ORC3: variants seen among roughly 807,000 people sequenced by gnomAD.
The protein encoded by ORC3 is homolog of latheo, Drosophila.
In ORC3, 78 loss-of-function variants were observed where a neutral mutation model predicts 100.7. That is an observed-to-expected ratio of 0.77 (90% CI 0.65 to 0.94). ORC3 has a LOEUF of 0.94. Ranked by LOEUF, ORC3 falls within the 40% of genes least tolerant of loss-of-function variation. ORC3 has a pLI of 0.00. For missense variants in ORC3, 789 were observed against 823.9 expected (o/e 0.96, Z 0.52); for synonymous variants, 295 against 289.3 (o/e 1.02, Z -0.20).
intron 14 of ORC3, among the ~76,000 whole-genome samples, 187 bp downstream of exon 14, chr6:87,653,436 A>T (rs1175005498): frequency 6.6e-6 from 1 of 152,218 alleles, no homozygotes; most frequent in Admixed American, 6.5e-5. Context: ...TCTCTTCTAG[A>T]TTTGGTTTAA....
chr6:87,599,540 G>A (rs1777732046), intron 2 of ORC3, among the ~76,000 whole-genome samples: 1 of 151,832 alleles, frequency 6.6e-6, no homozygotes, highest in Non-Finnish European at 1.5e-5. Context: ...GCTAATTTTT[G>A]TATTTTTAGC....
chr6:87,618,797 T>G (rs1311119029), intron 9 of ORC3, among the ~76,000 whole-genome samples: 1 of 151,974 alleles, frequency 6.6e-6, no homozygotes, highest in Non-Finnish European at 1.5e-5. Flanking sequence ...TTACTTGACT[T>G]GAAGCTGAAA....
intron 11 of ORC3, among the ~76,000 whole-genome samples, chr6:87,629,176 G>A (rs755067295): frequency 6.6e-6 from 1 of 152,142 alleles, no homozygotes; most frequent in South Asian, 2.1e-4. Flanking sequence ...GAAAAATAAG[G>A]CTTAGTTATA....
At position 87,636,492 on chromosome 6, in the gene ORC3, T is replaced by G. The variant is rs373654508; in HGVS notation, c.1382+6T>G. On this transcript the variant is annotated splice_donor_region_variant and intron_variant, in intron 13 of 19. Transcript: ENST00000392844. ...TCAGTCTTGCAGCTGCTGAGGTAGT[T>G]TTGTTTTTTCTTGTTTTTCTATTTT... The G allele has an allele frequency of 6.2e-7, 1 of 1,603,768 alleles. No individual in the cohort carries two copies. Among genetic ancestry groups the G allele is most frequent in the African/African-American group, 1.3e-5 (1 of 74,640 alleles).
At chr6:87,598,235 G>A (rs1257512311) in intron 2 of ORC3, among the ~76,000 whole-genome samples, 2 of 151,482 alleles carry the variant, frequency 1.3e-5, no homozygotes, top group East Asian at 1.9e-4. Flanking sequence ...TGTTGTCCAG[G>A]CTGGTCTCAA....
At chr6:87,652,679 A>C (rs1769370502) in intron 13 of ORC3, among the ~76,000 whole-genome samples, 1 of 152,256 alleles carries the variant, frequency 6.6e-6, no homozygotes, top group South Asian at 2.1e-4. Context: ...ATCAAAAGAA[A>C]GGAAAACTAT....
chr6:87,591,384 C>T (rs1473251574), intron 1 of ORC3, among the ~76,000 whole-genome samples: 1 of 132,436 alleles, frequency 7.6e-6, no homozygotes, highest in East Asian at 2.1e-4. Context: ...TTGATTAAAA[C>T]GGTTTATGAG....
downstream of ORC3, among the ~76,000 whole-genome samples, chr6:87,669,551 C>T (rs1770788555): frequency 9.2e-5 from 14 of 152,234 alleles, no homozygotes; most frequent in Admixed American, 9.2e-4. Context: ...GACAGAGCCT[C>T]TGTCATTCTA....
chr6:87,675,703 G>A, the ORC3 span: 1 of 1,521,402 alleles, frequency 6.6e-7, no homozygotes, highest in Non-Finnish European at 9.0e-7. Flanking sequence ...AGGTATTTAA[G>A]TAACCAAAAG....
At chr6:87,616,017 A>G (rs1239254958) in intron 8 of ORC3, among the ~76,000 whole-genome samples, 2 of 129,114 alleles carry the variant, frequency 1.5e-5, no homozygotes, top group Non-Finnish European at 3.5e-5. Flanking sequence ...TCTGGTGAGG[A>G]AAAAAAAAAG....
chr6:87,596,592 A>G (rs1307429316), intron 2 of ORC3, among the ~76,000 whole-genome samples: 1 of 152,152 alleles, frequency 6.6e-6, no homozygotes, highest in Non-Finnish European at 1.5e-5. Context: ...CAGAGTGGTT[A>G]TGTAAGTATA....
intron 9 of ORC3, among the ~76,000 whole-genome samples, chr6:87,617,636 A>G (rs1458639217): frequency 1.3e-5 from 2 of 152,108 alleles, no homozygotes; most frequent in Non-Finnish European, 2.9e-5. Flanking sequence ...CGGGAGGGTG[A>G]GGTGGGAGAA....
chr6:87,600,851 G>A (rs550694499), intron 2 of ORC3, among the ~76,000 whole-genome samples: 1 of 152,228 alleles, frequency 6.6e-6, no homozygotes, highest in South Asian at 2.1e-4. Flanking sequence ...AAGGGTGAGT[G>A]TTGTTTTTTG....
chr6:87,605,084 A>G (rs890862956), intron 4 of ORC3, among the ~76,000 whole-genome samples: 6 of 152,332 alleles, frequency 3.9e-5, no homozygotes, highest in Non-Finnish European at 8.8e-5. Flanking sequence ...CAAAAATTTG[A>G]TAACTGTATG....
At chr6:87,642,962 A>AAATAATATAATATAAT (rs1768394146) in intron 13 of ORC3, among the ~76,000 whole-genome samples, 1 of 151,884 alleles carries the variant, frequency 6.6e-6, no homozygotes, top group African/African-American at 2.4e-5. Flanking sequence ...AAATAAATAA[A>AAATAATATAATATAAT]ATAATATAAT....
Position 87,607,685 on chromosome 6 carries a change from T to C in ORC3, c.440T>C (p.Phe147Ser). The C allele has an allele frequency of 6.2e-7, 1 of 1,602,938 alleles. No individual in the cohort carries two copies. Among genetic ancestry groups the C allele is most frequent in the Non-Finnish European group, 8.5e-7 (1 of 1,175,912 alleles). Residue 147 changes from phenylalanine to serine, a missense_variant, in exon 6 of 20, where the codon TTT (phenylalanine) becomes TCT (serine). Phe to Ser is a radical substitution (Grantham distance 155). This residue lies in a region of ORC3 where 399 missense variants were observed against 382.0 expected (regional missense o/e 1.04). Transcript: ENST00000392844. ...TTATATTCCACAGATATGAAACATT[T>C]TTTGCAAAAGTTGATCTCACAGTTG... ...QAKDCPDMKH[F>S]LQKLISQLMD... is the part of the protein sequence containing the mutation.
intron 11 of ORC3, among the ~76,000 whole-genome samples, chr6:87,623,859 G>A (rs13196755): frequency 0.064 from 9,771 of 152,068 alleles, 409 homozygotes; most frequent in African/African-American, 0.12. Context: ...ACTCCAGCCT[G>A]GGTGACAGAG....
the ORC3 span, among the ~76,000 whole-genome samples, chr6:87,676,596 A>AAT: frequency 7.0e-6 from 1 of 142,046 alleles, no homozygotes. Flanking sequence ...CTCTACTAAA[A>AAT]ACACACACAC....
At chr6:87,648,430 T>G (rs1244347571) in intron 13 of ORC3, among the ~76,000 whole-genome samples, 2 of 152,196 alleles carry the variant, frequency 1.3e-5, no homozygotes, top group African/African-American at 4.8e-5. Flanking sequence ...TTTTTGTTTT[T>G]TTGTGTTTGT....
Sources: gnomAD v4.1 joint callset for allele counts (sites outside exome capture counted in the v4.1 genomes callset) on GRCh38, gnomAD v4.1.1 for gene constraint, gnomAD v4.1.1 regional missense constraint, MANE v1.5 for transcripts, NCBI Gene and HGNC (gene_info 2026-07-23, HGNC 2026-07-21) for gene names.